Variants in PIR observed in about 807,000 individuals in gnomAD.
The protein encoded by PIR is pirin, also known as pirin (iron-binding nuclear protein).
In PIR, 22 loss-of-function variants were observed where a neutral mutation model predicts 24.2. The ratio of observed to expected loss-of-function variants is 0.91; its 90% CI spans 0.65 to 1.30. The LOEUF (loss-of-function observed/expected upper bound fraction) is 1.30. Among genes scored for constraint, PIR ranks in the 50% most tolerant of loss-of-function variants. The pLI is 0.00. For synonymous variants in PIR, 80 were observed against 79.6 expected, an observed-to-expected ratio of 1.00 and a Z score of -0.03; for missense variants, 220 against 220.3, an observed-to-expected ratio of 1.00 and a Z score of 0.01.
At chrX:15,423,952 C>T (rs1468267468) in intron 6 of PIR, among the ~76,000 whole-genome samples, 1 of 111,752 alleles carries the variant, frequency 8.9e-6, no homozygotes. Context: ...AAAGGGGAAC[C>T]CTTGTATACA....
At chrX:15,442,393 G>A (rs1302438590) in intron 5 of PIR, among the ~76,000 whole-genome samples, 1 of 111,159 alleles carries the variant, frequency 9.0e-6, no homozygotes, top group African/African-American at 3.3e-5. Flanking sequence ...TCCCTGTTCT[G>A]AGACACAATA....
intron 3 of PIR, among the ~76,000 whole-genome samples, chrX:15,460,443 C>T (rs1046656388): frequency 9.0e-6 from 1 of 111,363 alleles, no homozygotes; most frequent in Non-Finnish European, 1.9e-5. Flanking sequence ...TTCAGCAACA[C>T]GGATGAACCT....
chrX:15,398,665 GGAGGGTGTGTGT>G (rs1456564147), intron 7 of PIR, among the ~76,000 whole-genome samples: 8 of 36,371 alleles, frequency 2.2e-4, no homozygotes, highest in South Asian at 1.4e-3. Context: ...CCTTGAGGAG[GGAGGGTGTGTGT>G]GTGTGTGTGT....
intron 5 of PIR, among the ~76,000 whole-genome samples, chrX:15,452,213 C>T (rs1177408441): frequency 8.9e-6 from 1 of 111,919 alleles, no homozygotes; most frequent in South Asian, 3.8e-4. Flanking sequence ...CCAAAGAGAG[C>T]TGGCAATAAT....
At chrX:15,397,642 A>C (rs1332690629) in intron 7 of PIR, 111 bp from the exon 8 acceptor site, 2 of 480,044 alleles carry the variant, frequency 4.2e-6, no homozygotes, top group Non-Finnish European at 7.2e-6. Flanking sequence ...TTTGAGAAAT[A>C]ATGGACTTAG....
chrX:15,418,941 C>T (rs1404058712), intron 6 of PIR, among the ~76,000 whole-genome samples: 2 of 111,919 alleles, frequency 1.8e-5, no homozygotes, highest in East Asian at 2.8e-4. Context: ...ATAATCCAGA[C>T]ATCCATGTCA....
chrX:15,423,394 T>C (rs900390017), intron 6 of PIR, among the ~76,000 whole-genome samples: 6 of 112,213 alleles, frequency 5.3e-5, no homozygotes, highest in Non-Finnish European at 7.5e-5. Flanking sequence ...GGCAGGCAGA[T>C]CACTTGAGGC....
At chrX:15,439,756 C>T (rs189646730) in intron 5 of PIR, among the ~76,000 whole-genome samples, 283 of 112,322 alleles carry the variant, frequency 2.5e-3, no homozygotes, top group African/African-American at 7.9e-3. Context: ...AAGCTCAAAA[C>T]AAATTTCCCA....
intron 5 of PIR, among the ~76,000 whole-genome samples, chrX:15,440,188 C>G (rs904233182): frequency 1.9e-4 from 21 of 111,580 alleles, no homozygotes; most frequent in Non-Finnish European, 2.8e-4. Context: ...TCCAATCTAC[C>G]CACAGTGTAT....
At chrX:15,437,955 G>A (rs1925802101) in intron 5 of PIR, among the ~76,000 whole-genome samples, 1 of 112,529 alleles carries the variant, frequency 8.9e-6, no homozygotes, top group African/African-American at 3.2e-5. Context: ...CCTTGTCTGA[G>A]CACTGCCCAA....
chrX:15,456,113 T>C (rs1921074042), intron 4 of PIR, 59 bp from the exon 5 acceptor site: 1 of 967,062 alleles, frequency 1.0e-6, no homozygotes, highest in African/African-American at 1.9e-5. Flanking sequence ...AGTCTATAGG[T>C]GGAACAATTA....
At chrX:15,473,410 C>T (rs1351345334) in intron 3 of PIR, among the ~76,000 whole-genome samples, 5 of 111,567 alleles carry the variant, frequency 4.5e-5, no homozygotes, top group African/African-American at 9.8e-5. Flanking sequence ...TTATGATTGA[C>T]GAATATTTAA....
intron 5 of PIR, among the ~76,000 whole-genome samples, chrX:15,449,247 AT>A (rs1244043786): frequency 9.0e-6 from 1 of 111,676 alleles, no homozygotes; most frequent in African/African-American, 3.3e-5. Flanking sequence ...ATTTTGCAGA[AT>A]TCTTTCTCCC....
rs73635092 is a variant in PIR, at chrX:15,479,844, A to T, written c.97-23T>A. ...TAACTGAAATAAAAATAAAATTTGC[A>T]GATTAGATATGTCTTTTAAGCCATA... On this transcript the variant is annotated intron_variant, in intron 2 of 9. Coordinates refer to ENST00000380420, the MANE Select transcript of PIR (RefSeq NM_001018109.3). 0.018 allele frequency: 16,077 copies of T among 898,848 alleles called. 1,018 individuals carry two copies. In the African/African-American group the frequency reaches 0.22, roughly 12 times the overall value. The allele number at this position is 898,848 out of a possible 1,213,427, so 74.1% of individuals were successfully genotyped here.
At chrX:15,492,593 A>T (rs1249700262) in intron 1 of PIR, among the ~76,000 whole-genome samples, 1 of 112,094 alleles carries the variant, frequency 8.9e-6, no homozygotes, top group Non-Finnish European at 1.9e-5. Flanking sequence ...CTGGAACCAG[A>T]CAGCCTAGGT....
At chrX:15,402,471 C>T (rs767459327) in intron 7 of PIR, among the ~76,000 whole-genome samples, 1 of 111,461 alleles carries the variant, frequency 9.0e-6, no homozygotes, top group Non-Finnish European at 1.9e-5. Flanking sequence ...ATAATCACAT[C>T]GTGGAGCATG....
chrX:15,444,779 A>G (rs1421112924), intron 5 of PIR, among the ~76,000 whole-genome samples: 1 of 111,513 alleles, frequency 9.0e-6, no homozygotes, highest in Non-Finnish European at 1.9e-5. Flanking sequence ...AGACACTCAA[A>G]GTCTCCCAAG....
chrX:15,401,228 AT>A (rs1324576677), intron 7 of PIR, among the ~76,000 whole-genome samples: 1 of 106,177 alleles, frequency 9.4e-6, no homozygotes, highest in Non-Finnish European at 1.9e-5. Context: ...AATTAAAAAA[AT>A]TTTTTTTGGT....
At chrX:15,421,054 T>C (rs1925115291) in intron 6 of PIR, among the ~76,000 whole-genome samples, 1 of 111,912 alleles carries the variant, frequency 8.9e-6, no homozygotes, top group Admixed American at 9.5e-5. Flanking sequence ...TTCAAGGATA[T>C]ATCTGTGATC....
Sources: gnomAD v4.1 joint callset for allele counts (sites outside exome capture counted in the v4.1 genomes callset) on GRCh38, gnomAD v4.1.1 for gene constraint, MANE v1.5 for transcripts, NCBI Gene and HGNC (gene_info 2026-07-23, HGNC 2026-07-21) for gene names.